OSMR: variants seen among roughly 807,000 people sequenced by gnomAD.
OSMR encodes the protein oncostatin-M-specific receptor subunit beta.
In OSMR, 81 loss-of-function variants were observed where a neutral mutation model predicts 99.9. That is an observed-to-expected ratio of 0.81 (90% CI 0.68 to 0.97). OSMR has a LOEUF of 0.97. Among genes scored for constraint, OSMR ranks in the 50% least tolerant of loss-of-function variants. OSMR has a pLI of 0.00. For missense variants in OSMR, 1,099 were observed against 1,153.4 expected (o/e 0.95, Z 0.68); for synonymous variants, 406 against 410.4 (o/e 0.99, Z 0.13).
At chr5:38,900,474 G>T (rs1204205428) in intron 7 of OSMR, among the ~76,000 whole-genome samples, 1 of 152,158 alleles carries the variant, frequency 6.6e-6, no homozygotes, top group African/African-American at 2.4e-5. Context: ...ACAATCGATG[G>T]AGCCTTCTCT....
At chr5:38,888,055 G>T (rs1231944383) in intron 7 of OSMR, among the ~76,000 whole-genome samples, 1 of 152,142 alleles carries the variant, frequency 6.6e-6, no homozygotes, top group South Asian at 2.1e-4. Context: ...GAAGGAAACA[G>T]CTCCTCCATG....
In OSMR at chr5:38,944,861, C is replaced by G. The variant is rs1579859706; in HGVS notation, c.*87-85C>G. 26 of 1,533,012 alleles carry G rather than the reference C, an allele frequency of 1.7e-5. No individual in the cohort carries two copies. In the South Asian group the frequency reaches 2.7e-4, roughly 16 times the overall value. 95.0% of individuals were successfully genotyped at this position (1,533,012 alleles called of 1,614,324 possible). On this transcript the variant is annotated intron_variant and NMD_transcript_variant, in intron 2 of 2. Coordinates refer to the OSMR transcript ENST00000508882. ...TTTACGAAAAACAAAACAAAACCAA[C>G]TAATCAGAACAGTTTTACTAATAAT...
intron 1 of OSMR, chr5:38,942,166 T>C (rs550607604): frequency 8.5e-6 from 4 of 469,540 alleles, no homozygotes; most frequent in Non-Finnish European, 1.6e-5. Flanking sequence ...CAACTGTTCA[T>C]GTACCAGTAA....
intron 4 of OSMR, among the ~76,000 whole-genome samples, chr5:38,883,301 G>A (rs1036332770): frequency 1.3e-5 from 2 of 152,212 alleles, no homozygotes; most frequent in African/African-American, 2.4e-5. Context: ...TGAGGGACTC[G>A]CATTTCTGAG....
chr5:38,914,619 T>C (rs1579778561), intron 9 of OSMR, among the ~76,000 whole-genome samples: 1 of 152,080 alleles, frequency 6.6e-6, no homozygotes, highest in Admixed American at 6.5e-5. Context: ...CAATGATGGA[T>C]TGGACAAAGA....
chr5:38,868,654 T>C (rs554180706), intron 1 of OSMR, among the ~76,000 whole-genome samples: 5 of 152,336 alleles, frequency 3.3e-5, no homozygotes, highest in South Asian at 2.1e-4. Flanking sequence ...TAAGTCCAAT[T>C]AAACCTCTTT....
At chr5:38,926,204 C>G (rs773199284) in intron 15 of OSMR, among the ~76,000 whole-genome samples, 2 of 152,146 alleles carry the variant, frequency 1.3e-5, no homozygotes, top group African/African-American at 2.4e-5. Flanking sequence ...AAAGGCTTGC[C>G]TGAAGTTACC....
rs74843970 is a variant in OSMR at position 38,854,797 on chromosome 5, C to T, written c.-14+8410C>T. On this transcript the variant is annotated intron_variant, in intron 1 of 17. Coordinates refer to ENST00000274276, the MANE Select transcript of OSMR (RefSeq NM_003999.3). Reference sequence around the variant, plus strand: ...ATAGTCTAGTTGGGAATAATGGAGACCTGAAAAAGAGAGAGAAATGAAGAA... The same window carrying T: ...ATAGTCTAGTTGGGAATAATGGAGATCTGAAAAAGAGAGAGAAATGAAGAA... 6.7e-3 allele frequency among the ~76,000 whole-genome samples: 1,027 copies of T among 152,156 alleles called. 22 individuals carry two copies. The highest frequency in any genetic ancestry group is 0.024 in the African/African-American group (978 of 41,498).
intron 2 of OSMR, among the ~76,000 whole-genome samples, chr5:38,872,440 T>C (rs1277720162): frequency 1.3e-5 from 2 of 152,204 alleles, no homozygotes; most frequent in Non-Finnish European, 2.9e-5. Context: ...AGTCTCAACC[T>C]TGTTTCACTC....
intron 15 of OSMR, among the ~76,000 whole-genome samples, chr5:38,929,509 T>C (rs1383515796): frequency 6.6e-6 from 1 of 152,198 alleles, no homozygotes; most frequent in Non-Finnish European, 1.5e-5. Flanking sequence ...TCCAAAAGTT[T>C]GTGTTTAAAA....
rs74323914 is a variant in OSMR at position 38,848,433 on chromosome 5, C to T, written c.-14+2046C>T. Reference sequence around the variant, plus strand: ...CCCTCCTCATTTTAGTTGTACTGGTCGCTCTGCATTTGTGCACTCCACGTT... The same window carrying T: ...CCCTCCTCATTTTAGTTGTACTGGTTGCTCTGCATTTGTGCACTCCACGTT... On this transcript the variant is annotated intron_variant, in intron 1 of 17. Coordinates refer to ENST00000274276, the MANE Select transcript of OSMR (RefSeq NM_003999.3). Among the ~76,000 whole-genome samples, 411 of 152,192 alleles carry T rather than the reference C, an allele frequency of 2.7e-3. 4 individuals carry two copies. Among genetic ancestry groups the T allele is most frequent in the African/African-American group, 9.4e-3 (390 of 41,508 alleles).
intron 1 of OSMR, among the ~76,000 whole-genome samples, chr5:38,849,146 C>T (rs1740149267): frequency 6.6e-6 from 1 of 152,174 alleles, no homozygotes. Flanking sequence ...GATGGACATT[C>T]AGCATTAGCA....
intron 7 of OSMR, among the ~76,000 whole-genome samples, chr5:38,891,025 G>C (rs1744122289): frequency 6.6e-6 from 1 of 152,204 alleles, no homozygotes; most frequent in Non-Finnish European, 1.5e-5. Context: ...ATTTAGACCA[G>C]TGTTTTAGAT....
At chr5:38,861,842 C>G (rs1307338491) in intron 1 of OSMR, among the ~76,000 whole-genome samples, 1 of 146,928 alleles carries the variant, frequency 6.8e-6, no homozygotes, top group Admixed American at 6.7e-5. Context: ...CGCCCCTCAC[C>G]TCACAGACGG....
At chr5:38,922,645 A>G (rs1276255098) in intron 12 of OSMR, among the ~76,000 whole-genome samples, 1 of 152,210 alleles carries the variant, frequency 6.6e-6, no homozygotes, top group African/African-American at 2.4e-5. Context: ...GCTGGAGACA[A>G]GACAGTGGGG....
At position 38,850,078 on chromosome 5, in the gene OSMR, A is replaced by G. The variant is rs112642960; in HGVS notation, c.-14+3691A>G. 5.7e-4 allele frequency among the ~76,000 whole-genome samples: 87 copies of G among 152,308 alleles called. 1 individual carries two copies. Among genetic ancestry groups the G allele is most frequent in the African/African-American group, 2.0e-3 (85 of 41,570 alleles). ...GTAGTATCCTAAGAGACAAAAATAT[A>G]TCATATATTTTAAATATAGTAGTGT... On this transcript the variant is annotated intron_variant, in intron 1 of 17. Transcript: ENST00000274276.
chr5:38,853,851 G>C (rs1004672174), intron 1 of OSMR, among the ~76,000 whole-genome samples: 2 of 152,130 alleles, frequency 1.3e-5, no homozygotes, highest in African/African-American at 2.4e-5. Context: ...CCAGTGGACA[G>C]GTTCAAGAGG....
At chr5:38,938,270 A>G, downstream of OSMR, 1 of 227,644 alleles carries the variant, frequency 4.4e-6, no homozygotes, top group East Asian at 6.4e-5. Flanking sequence ...GTGGTTAGAG[A>G]GCATTAAGTC....
intron 7 of OSMR, among the ~76,000 whole-genome samples, chr5:38,889,233 T>C (rs967113965): frequency 1.3e-5 from 2 of 152,156 alleles, no homozygotes; most frequent in African/African-American, 2.4e-5. Context: ...TTTTGAATTA[T>C]AGTTTTTGGT....
Sources: allele counts gnomAD v4.1 joint callset (sites outside exome capture counted in the v4.1 genomes callset), GRCh38; gene constraint gnomAD v4.1.1; transcripts MANE v1.5; gene names NCBI Gene and HGNC (gene_info 2026-07-23, HGNC 2026-07-21).